Variants in PPIP5K1 observed in about 807,000 individuals in gnomAD.
PPIP5K1 encodes diphosphoinositol pentakisphosphate kinase 1.
PPIP5K1 carries 6 observed loss-of-function variants against 27.7 expected under a neutral mutation model. That is an observed-to-expected ratio of 0.22 (90% confidence interval 0.12 to 0.43). The LOEUF is 0.43. Among genes scored for constraint, PPIP5K1 ranks in the 20% least tolerant of loss-of-function variants. PPIP5K1 has a pLI of 1.00. For missense variants in PPIP5K1, 394 were observed against 635.4 expected, an observed-to-expected ratio of 0.62 and a Z score of 4.08; for synonymous variants, 145 against 242.6, an observed-to-expected ratio of 0.60 and a Z score of 3.74.
At chr15:43,548,110 T>G (rs754450617) in intron 30 of PPIP5K1, among the ~76,000 whole-genome samples, 2 of 151,996 alleles carry the variant, frequency 1.3e-5, no homozygotes, top group East Asian at 3.9e-4. Flanking sequence ...AGCTAATTTT[T>G]TTTTTCAAGA....
rs1168161790 is a variant in PPIP5K1, at chr15:43,579,598, C to CGTGTGT, written c.1062-484_1062-479dup. Among the ~76,000 whole-genome samples the CGTGTGT allele has an allele frequency of 5.3e-3, 159 of 29,916 alleles. 4 individuals are homozygous for CGTGTGT. Among genetic ancestry groups the CGTGTGT allele is most frequent in the Non-Finnish European group, 6.5e-3 (141 of 21,840 alleles). 19.6% of individuals were successfully genotyped at this position (29,916 alleles called of 152,430 possible). On this transcript the variant is annotated intron_variant, in intron 10 of 31. Transcript: ENST00000420765. Reference sequence around the variant, plus strand: ...ATACACATATATACATATATGTGTACGTGTGTGTGTGTGTGTGTGTGTGTG... The same window carrying CGTGTGT: ...ATACACATATATACATATATGTGTACGTGTGTGTGTGTGTGTGTGTGTGTGTGTGTG...
chr15:43,542,135 C>G (rs570066665), intron 30 of PPIP5K1, among the ~76,000 whole-genome samples: 1 of 152,326 alleles, frequency 6.6e-6, no homozygotes, highest in East Asian at 1.9e-4. Flanking sequence ...TAAAGAAGAG[C>G]TTTCCTTCTG....
In PPIP5K1 at chr15:43,535,472, G is replaced by A. The variant is rs2079716024; in HGVS notation, c.3675C>T (p.Ser1225=). ...QQRSEKPPWY[S]SGPSSTVSSA... is the part of the protein sequence containing the mutation. Reference sequence around the variant, plus strand: ...TGGACACAGTGCTAGAAGGGCCACTGCTGTCTGTAAAGCAAAGTCAAGAGA... The same window carrying A: ...TGGACACAGTGCTAGAAGGGCCACTACTGTCTGTAAAGCAAAGTCAAGAGA... Residue 1225 remains serine, a synonymous_variant, in exon 32 of 32, where the codon AGC becomes AGT. Coordinates refer to ENST00000420765, the MANE Select transcript of PPIP5K1 (RefSeq NM_001394395.1). The A allele has an allele frequency of 2.6e-6, 4 of 1,562,894 alleles. No individual in the cohort carries two copies. Among genetic ancestry groups the A allele is most frequent in the Non-Finnish European group, 3.5e-6 (4 of 1,158,096 alleles).
At chr15:43,539,084 GC>G (rs981006597) in intron 31 of PPIP5K1, among the ~76,000 whole-genome samples, 2 of 152,002 alleles carry the variant, frequency 1.3e-5, no homozygotes, top group Admixed American at 1.3e-4. Flanking sequence ...GGTGGTGCAT[GC>G]CTGTAATCCC....
intron 30 of PPIP5K1, among the ~76,000 whole-genome samples, chr15:43,554,578 G>A (rs1028846465): frequency 2.1e-4 from 32 of 149,494 alleles, no homozygotes; most frequent in Non-Finnish European, 4.0e-4. Context: ...TTGTGTCTTC[G>A]GACCTAATGT....
At chr15:43,551,531 A>C (rs1259497322) in intron 30 of PPIP5K1, among the ~76,000 whole-genome samples, 4 of 129,258 alleles carry the variant, frequency 3.1e-5, no homozygotes, top group South Asian at 2.5e-4. Flanking sequence ...AAAAAAAAAA[A>C]CCCACAATAA....
At chr15:43,558,617 A>G (rs189042830) in intron 30 of PPIP5K1, among the ~76,000 whole-genome samples, 178 bp downstream of exon 30, 1 of 152,254 alleles carries the variant, frequency 6.6e-6, no homozygotes, top group African/African-American at 2.4e-5. Context: ...TCGGCCTCCC[A>G]AAGTGCTGGG....
chr15:43,554,687 T>C (rs1328077439), intron 30 of PPIP5K1, among the ~76,000 whole-genome samples: 1 of 151,066 alleles, frequency 6.6e-6, no homozygotes, highest in African/African-American at 2.4e-5. Flanking sequence ...AAAGGTGGAA[T>C]CTGTTAGAAA....
chr15:43,549,046 AAAAAAAAAAAATATATATATAT>A (rs1477657045), intron 30 of PPIP5K1, among the ~76,000 whole-genome samples: 2,725 of 84,596 alleles, frequency 0.032, 200 homozygotes, highest in African/African-American at 0.2. Flanking sequence ...AAAAAAAAAA[AAAAAAAAAAAATATATATATAT>A]ATATATATAT....
chr15:43,553,484 A>C (rs552411660), intron 30 of PPIP5K1, among the ~76,000 whole-genome samples: 4 of 152,248 alleles, frequency 2.6e-5, no homozygotes, highest in African/African-American at 9.6e-5. Flanking sequence ...CTGGGACTAC[A>C]GGCATGTGCC....
rs1400210571 is a variant in PPIP5K1 at position 43,555,232 on chromosome 15, T to C, written c.3556+3563A>G. ...TGCTTTTCTTCTGCTCACCTTATTA[T>C]AATAGTCTTTCAATTAGAAAACTGT... On this transcript the variant is annotated intron_variant, in intron 30 of 31. Coordinates refer to ENST00000420765, the MANE Select transcript of PPIP5K1 (RefSeq NM_001394395.1). Among the ~76,000 whole-genome samples the C allele has an allele frequency of 1.3e-5, 2 of 152,228 alleles. 1 individual carries two copies. Among genetic ancestry groups the C allele is most frequent in the South Asian group, 4.1e-4 (2 of 4,834 alleles).
Position 43,534,145 on chromosome 15 carries a change from A to C in PPIP5K1, c.*529T>G, listed in dbSNP as rs922156610. ...CATATGGTCTAAGCGTACCTTGAGA[A>C]GTCGTGAACATTTCCCCAGAAAAGT... On this transcript the variant is annotated 3_prime_UTR_variant, in exon 32 of 32. Transcript: ENST00000420765. 6.5e-6 allele frequency: 1 copy of C among 152,910 alleles called. No homozygotes were observed. The highest frequency in any genetic ancestry group is 1.5e-5 in the Non-Finnish European group (1 of 68,278). The allele number at this position is 152,910 out of a possible 1,614,324, so 9.5% of individuals were successfully genotyped here.
intron 30 of PPIP5K1, among the ~76,000 whole-genome samples, chr15:43,544,896 G>C (rs928085270): frequency 6.6e-6 from 1 of 152,036 alleles, no homozygotes; most frequent in Non-Finnish European, 1.5e-5. Flanking sequence ...TGGATTATTG[G>C]GGCCGGGCGT....
At chr15:43,537,868 AAAAAAG>A (rs775965545) in intron 31 of PPIP5K1, among the ~76,000 whole-genome samples, 4 of 150,444 alleles carry the variant, frequency 2.7e-5, no homozygotes. Flanking sequence ...ACTAGATGGA[AAAAAAG>A]AAAAAGAAAA....
intron 31 of PPIP5K1, among the ~76,000 whole-genome samples, chr15:43,536,420 G>GAAA (rs75062802): frequency 9.7e-6 from 1 of 103,408 alleles, no homozygotes; most frequent in South Asian, 2.9e-4. Context: ...CTCTGTCTCA[G>GAAA]AAAAAAAAAA....
intron 30 of PPIP5K1, among the ~76,000 whole-genome samples, chr15:43,545,824 T>C (rs1252021037): frequency 6.6e-6 from 1 of 152,196 alleles, no homozygotes; most frequent in Admixed American, 6.5e-5. Flanking sequence ...TCTTAAATTG[T>C]ATAATTCTGT....
At chr15:43,551,396 T>C (rs956314145) in intron 30 of PPIP5K1, among the ~76,000 whole-genome samples, 2 of 151,120 alleles carry the variant, frequency 1.3e-5, no homozygotes, top group Non-Finnish European at 2.9e-5. Context: ...GCAGTGCCTG[T>C]AATCCCAGCT....
At chr15:43,555,774 T>G (rs930079266) in intron 30 of PPIP5K1, among the ~76,000 whole-genome samples, 2 of 151,924 alleles carry the variant, frequency 1.3e-5, no homozygotes, top group Admixed American at 6.6e-5. Flanking sequence ...CCCGGCTAAT[T>G]TTTTGTATTT....
intron 30 of PPIP5K1, among the ~76,000 whole-genome samples, chr15:43,554,847 T>C (rs2082725906): frequency 6.6e-6 from 1 of 152,058 alleles, no homozygotes; most frequent in Non-Finnish European, 1.5e-5. Context: ...AATAATTTTT[T>C]TTTTTCAGAT....
Sources: gnomAD v4.1 joint callset for allele counts (sites outside exome capture counted in the v4.1 genomes callset) on GRCh38, gnomAD v4.1.1 for gene constraint, MANE v1.5 for transcripts, NCBI Gene and HGNC (gene_info 2026-07-23, HGNC 2026-07-21) for gene names.